Variants in BRF1 observed in about 807,000 individuals in gnomAD.
BRF1 encodes transcription factor IIIB 90 kDa subunit.
BRF1 carries 59 observed loss-of-function variants against 81.7 expected under a neutral mutation model. That is an observed-to-expected ratio of 0.72 (90% CI 0.59 to 0.90). BRF1 has a LOEUF of 0.90. BRF1 is among the 40% of genes least tolerant of loss of function. BRF1 has a pLI of 0.00. For missense variants in BRF1, 1,050 were observed against 936.3 expected (o/e 1.12, Z -1.58); for synonymous variants, 491 against 395.6 (o/e 1.24, Z -2.86).
chr14:105,210,432 C>A lies in BRF1; in HGVS notation c.*119G>T. On this transcript the variant is annotated 3_prime_UTR_variant, in exon 18 of 18. Coordinates refer to ENST00000547530, the MANE Select transcript of BRF1 (RefSeq NM_001519.4). The surrounding 1 kb of genome is among the most constrained non-coding windows in gnomAD (Gnocchi z 4.7). The stretch of plus-strand genomic sequence containing the variant: ...GGGACGAGGGCTGTGGGACAGGTGC[C>A]ACCTGTCACCAGGAGTCTCGGCGCT... 8.9e-7 allele frequency: 1 copy of A among 1,120,576 alleles called. No individual in the cohort carries two copies. Among genetic ancestry groups the A allele is most frequent in the South Asian group, 1.4e-5 (1 of 72,674 alleles). The allele number at this position is 1,120,576 out of a possible 1,614,324, so 69.4% of individuals were successfully genotyped here. A position where few individuals can be genotyped will look rare whatever the true frequency, so the allele number is the denominator to read the frequency against.
At chr14:105,211,631 T>C in intron 16 of BRF1, 1 of 357,988 alleles carries the variant, frequency 2.8e-6, no homozygotes, top group Non-Finnish European at 5.1e-6. Flanking sequence ...CCCCGGGGGC[T>C]TGGCCTGCCC....
chr14:105,283,859 C>G (rs918751886), intron 2 of BRF1, among the ~76,000 whole-genome samples: 1 of 152,196 alleles, frequency 6.6e-6, no homozygotes, highest in Non-Finnish European at 1.5e-5. Flanking sequence ...AGTGGCACCA[C>G]AAGCAATGGG....
In BRF1 at chr14:105,211,273, G is replaced by A. The variant is rs747564601; in HGVS notation, c.1845C>T (p.Pro615=). 2 of 1,600,548 alleles carry A rather than the reference G, an allele frequency of 1.2e-6. No homozygotes were observed. Among genetic ancestry groups the A allele is most frequent in the East Asian group, 2.2e-5 (1 of 44,634 alleles). The change falls in exon 17 of 18, where the codon CCC becomes CCT. Residue 615 remains proline (P), a synonymous_variant. Coordinates refer to ENST00000547530, the MANE Select transcript of BRF1 (RefSeq NM_001519.4). ...ATGEALLPSS[P]TLGAEPARPQ... The stretch of plus-strand genomic sequence containing the variant: ...GCCTGGCAGGCTCAGCTCCGAGGGT[G>A]GGAGAGCTTGGGAGCAAAGCCTGGA...
At chr14:105,279,303 G>A (rs191675652) in intron 2 of BRF1, among the ~76,000 whole-genome samples, 48 of 152,256 alleles carry the variant, frequency 3.2e-4, no homozygotes, top group Non-Finnish European at 5.7e-4. Context: ...TTCGAAACAT[G>A]TATATCCAAC....
chr14:105,241,150 G>A (rs1418884613), intron 6 of BRF1, 115 bp downstream of exon 6: 14 of 1,491,148 alleles, frequency 9.4e-6, no homozygotes, highest in East Asian at 2.3e-5. Flanking sequence ...GGAGGCTGGA[G>A]GCAGCTCTCA....
chr14:105,294,022 G>A (rs1451277677), intron 1 of BRF1, among the ~76,000 whole-genome samples: 3 of 152,202 alleles, frequency 2.0e-5, no homozygotes, highest in African/African-American at 7.2e-5. Context: ...GTGTGCCAGG[G>A]AAACTGAGAA....
chr14:105,248,888 C>G (rs2055357130), intron 5 of BRF1: 4 of 988,188 alleles, frequency 4.0e-6, no homozygotes, highest in Non-Finnish European at 4.8e-6. Context: ...CGGAACTCTA[C>G]GCTCCCGCCA....
chr14:105,302,844 G>C (rs1427539123), upstream of BRF1, among the ~76,000 whole-genome samples: 1 of 151,876 alleles, frequency 6.6e-6, no homozygotes, highest in Non-Finnish European at 1.5e-5. Context: ...TCTTCCCAAA[G>C]TGCTGGGATT....
chr14:105,291,181 ACCAGAG>A (rs889823862), intron 1 of BRF1, among the ~76,000 whole-genome samples: 29 of 152,268 alleles, frequency 1.9e-4, no homozygotes, highest in Admixed American at 1.6e-3. Flanking sequence ...CTGCGGTTCC[ACCAGAG>A]CCAGAGCAGG....
intron 15 of BRF1, among the ~76,000 whole-genome samples, chr14:105,216,294 C>T (rs1429611109): frequency 2.0e-5 from 3 of 152,218 alleles, no homozygotes; most frequent in Non-Finnish European, 4.4e-5. Flanking sequence ...ACCTCCAGCG[C>T]TGACAGAGGC....
intron 1 of BRF1, among the ~76,000 whole-genome samples, chr14:105,297,274 T>C (rs1427700661): frequency 2.0e-5 from 3 of 151,898 alleles, no homozygotes; most frequent in East Asian, 3.9e-4. Context: ...AGATTCAACA[T>C]AGAAAAAATG....
chr14:105,286,649 A>G (rs1219452850), intron 1 of BRF1, among the ~76,000 whole-genome samples: 1 of 151,642 alleles, frequency 6.6e-6, no homozygotes, highest in East Asian at 1.9e-4. Flanking sequence ...TCTGTTGCCC[A>G]GGCTGGAGTG....
chr14:105,212,035 C>G (rs1473873141), intron 16 of BRF1, 78 bp downstream of exon 16: 3 of 1,566,954 alleles, frequency 1.9e-6, no homozygotes, highest in Admixed American at 1.9e-5. Flanking sequence ...CCTGTGGTCA[C>G]AGACCAAGCA....
At chr14:105,259,950 A>G (rs1009531806) in intron 3 of BRF1, among the ~76,000 whole-genome samples, 3 of 152,128 alleles carry the variant, frequency 2.0e-5, no homozygotes, top group Non-Finnish European at 4.4e-5. Flanking sequence ...CACAGATCAT[A>G]TGATTCCATT....
chr14:105,248,605 G>A, intron 5 of BRF1: 2 of 974,368 alleles, frequency 2.1e-6, no homozygotes, highest in Non-Finnish European at 2.4e-6. Context: ...GCCCCCCGCG[G>A]CCGGGCCTGG....
Position 105,209,954 on chromosome 14 carries a change from C to G in BRF1, c.*597G>C. 3.1e-6 allele frequency: 1 copy of G among 324,682 alleles called. No individual in the cohort carries two copies. The highest frequency in any genetic ancestry group is 9.9e-5 in the South Asian group (1 of 10,098). The allele number at this position is 324,682 out of a possible 1,614,324, so 20.1% of individuals were successfully genotyped here. On this transcript the variant is annotated 3_prime_UTR_variant, in exon 18 of 18. Coordinates refer to ENST00000547530, the MANE Select transcript of BRF1 (RefSeq NM_001519.4). Reference sequence around the variant, plus strand: ...CAGGGGTGGGGGTGTCTGCCTCGGACGAGGCAGGTATCTGGATGCAGGGCC... The same window carrying G: ...CAGGGGTGGGGGTGTCTGCCTCGGAGGAGGCAGGTATCTGGATGCAGGGCC...
In BRF1 at chr14:105,296,089, A is replaced by G. The variant is rs587621488; in HGVS notation, c.184+4357T>C. ...GAGCGACACTCTATCTCAAAAAAAA[A>G]AAAAAAAAAAAAACTCAAGGAGTGT... On this transcript the variant is annotated intron_variant, in intron 1 of 17. Coordinates refer to ENST00000547530, the MANE Select transcript of BRF1 (RefSeq NM_001519.4). 1.7e-3 allele frequency among the ~76,000 whole-genome samples: 263 copies of G among 150,804 alleles called. 4 individuals are homozygous for G. The South Asian group carries it at 0.018, about 11-fold the overall frequency.
chr14:105,285,221 A>G (rs1265327559), intron 2 of BRF1, among the ~76,000 whole-genome samples: 1 of 152,226 alleles, frequency 6.6e-6, no homozygotes, highest in East Asian at 1.9e-4. Context: ...AACACTTTTG[A>G]AAGAGAGCAG....
chr14:105,314,880 G>T, intron 1 of BRF1: 3 of 925,982 alleles, frequency 3.2e-6, no homozygotes, highest in Non-Finnish European at 3.8e-6. Flanking sequence ...CGGCCCGGCC[G>T]CAGCCCCAGG....
Sources: allele counts gnomAD v4.1 joint callset (sites outside exome capture counted in the v4.1 genomes callset), GRCh38; gene constraint gnomAD v4.1.1; non-coding constraint Gnocchi (gnomAD v3.1); transcripts MANE v1.5; gene names NCBI Gene and HGNC (gene_info 2026-07-23, HGNC 2026-07-21).